TFEC: variants seen among roughly 807,000 people sequenced by gnomAD.
The protein encoded by TFEC is class E basic helix-loop-helix protein 34.
In TFEC, 31 loss-of-function variants were observed where a neutral mutation model predicts 41.6. The observed-to-expected ratio is 0.74, with a 90% confidence interval of 0.56 to 1.01. The LOEUF (loss-of-function observed/expected upper bound fraction) is 1.01, where lower values mean the gene tolerates loss of function less well. Ranked by LOEUF, TFEC falls within the 50% of genes least tolerant of loss-of-function variation. The probability of loss-of-function intolerance (pLI) is 0.00; values close to 1 mark genes in which losing one functional copy is unlikely to be tolerated. For missense variants in TFEC, 402 were observed against 404.1 expected (o/e 0.99, Z 0.04); for synonymous variants, 143 against 140.6 (o/e 1.02, Z -0.12).
chr7:115,946,419 G>GTGTGTGTT (rs1562878830), intron 6 of TFEC, among the ~76,000 whole-genome samples: 1 of 141,382 alleles, frequency 7.1e-6, no homozygotes, highest in Non-Finnish European at 1.6e-5. Flanking sequence ...GTGTGTGTGT[G>GTGTGTGTT]TGTGTGTGTG....
At chr7:115,989,273 G>A (rs1161821138) in intron 1 of TFEC, among the ~76,000 whole-genome samples, 2 of 152,112 alleles carry the variant, frequency 1.3e-5, no homozygotes, top group Non-Finnish European at 2.9e-5. Flanking sequence ...GGCAATCATG[G>A]GAGGAGGTTC....
chr7:116,110,704 A>G, intron 3 of TFEC: 1 of 1,495,096 alleles, frequency 6.7e-7, no homozygotes. Context: ...ATACAGATAC[A>G]TACCCTGGTA....
intron 1 of TFEC, among the ~76,000 whole-genome samples, chr7:116,020,900 T>A (rs552657327): frequency 1.6e-4 from 24 of 152,212 alleles, no homozygotes; most frequent in African/African-American, 5.5e-4. Flanking sequence ...AATAACAGGA[T>A]CTTTCAAACT....
intron 5 of TFEC, among the ~76,000 whole-genome samples, chr7:115,952,145 A>G (rs1311416807): frequency 3.3e-5 from 5 of 152,130 alleles, no homozygotes; most frequent in African/African-American, 1.2e-4. Flanking sequence ...AGCAAATTAC[A>G]TGAATGAATT....
intron 1 of TFEC, among the ~76,000 whole-genome samples, chr7:116,017,411 A>G (rs540218695): frequency 1.3e-5 from 2 of 152,156 alleles, no homozygotes; most frequent in South Asian, 4.2e-4. Context: ...TTTCGTAGAG[A>G]TGGAGTTTCC....
intron 3 of TFEC, among the ~76,000 whole-genome samples, chr7:116,069,564 A>G (rs766239530): frequency 4.6e-5 from 7 of 151,744 alleles, no homozygotes; most frequent in Non-Finnish European, 8.9e-5. Context: ...TGTCATGATT[A>G]TAACTATAAT....
intron 1 of TFEC, among the ~76,000 whole-genome samples, chr7:116,153,029 G>A (rs370508738): frequency 3.9e-5 from 6 of 152,118 alleles, no homozygotes; most frequent in African/African-American, 1.2e-4. Flanking sequence ...ATGTTGAGGC[G>A]AGCCACGAAA....
In TFEC at chr7:116,110,950, G is replaced by A. The variant is rs902055564; in HGVS notation, c.-21-24C>T. ...CACTATTAGTGGATTTGGAAAAAAA[G>A]GAGCACTGTAAAACACATACAAAAT... On this transcript the variant is annotated intron_variant, in intron 2 of 8. Coordinates refer to the TFEC transcript ENST00000484212. 8.0e-6 allele frequency: 11 copies of A among 1,380,336 alleles called. No individual in the cohort carries two copies. In the South Asian group the frequency reaches 1.1e-4, roughly 14 times the overall value. 85.5% of individuals were successfully genotyped at this position (1,380,336 alleles called of 1,614,324 possible).
chr7:116,079,922 T>C (rs191056980), intron 3 of TFEC, among the ~76,000 whole-genome samples: 21 of 152,198 alleles, frequency 1.4e-4, no homozygotes, highest in Admixed American at 1.2e-3. Context: ...ATTACCCGAC[T>C]TCAAAAGGTA....
At chr7:116,076,104 T>C (rs920829015) in intron 3 of TFEC, among the ~76,000 whole-genome samples, 7 of 152,132 alleles carry the variant, frequency 4.6e-5, no homozygotes, top group Admixed American at 2.0e-4. Flanking sequence ...CAGGACTCTT[T>C]ACAGACACTC....
intron 3 of TFEC, among the ~76,000 whole-genome samples, chr7:116,046,427 T>C (rs1796166242): frequency 6.6e-6 from 1 of 152,202 alleles, no homozygotes; most frequent in Non-Finnish European, 1.5e-5. Flanking sequence ...AGGTTTCCAT[T>C]TTGTTTCTTC....
chr7:116,093,492 T>C (rs1797375566), intron 3 of TFEC, among the ~76,000 whole-genome samples: 1 of 152,160 alleles, frequency 6.6e-6, no homozygotes, highest in South Asian at 2.1e-4. Flanking sequence ...ACGTATATGC[T>C]CCACAATTTA....
chr7:116,036,282 G>GCC (rs1347014642), intron 3 of TFEC, among the ~76,000 whole-genome samples: 1 of 152,026 alleles, frequency 6.6e-6, no homozygotes, highest in Non-Finnish European at 1.5e-5. Flanking sequence ...AAGAGCTAGG[G>GCC]TATTTACACT....
In TFEC at chr7:116,072,026, C is replaced by G. The variant is rs190121105; in HGVS notation, c.198+38682G>C. ...TTCTTTCCCAAAGATTAGCCCCATT[C>G]TGGCTTCATTGAAAACACATAAAAT... On this transcript the variant is annotated intron_variant, in intron 3 of 8. Coordinates refer to the TFEC transcript ENST00000484212. 1.6e-3 allele frequency among the ~76,000 whole-genome samples: 250 copies of G among 151,556 alleles called. 2 individuals carry two copies. The highest frequency in any genetic ancestry group is 2.8e-3 in the Non-Finnish European group (186 of 67,470).
In TFEC at chr7:115,938,813, T is replaced by C. The variant is rs1793351406; in HGVS notation, c.*1738A>G. 6.6e-6 allele frequency: 1 copy of C among 151,918 alleles called. No individual in the cohort carries two copies. The highest frequency in any genetic ancestry group is 2.4e-5 in the African/African-American group (1 of 41,426). The allele number at this position is 151,918 out of a possible 1,614,324, so 9.4% of individuals were successfully genotyped here. A position where few individuals can be genotyped will look rare whatever the true frequency, so the allele number is the denominator to read the frequency against. On this transcript the variant is annotated 3_prime_UTR_variant, in exon 8 of 8. Transcript: ENST00000265440. ...TGCTACTAAAAAGATTTGTTTCTAT[T>C]ATATTAATACTATATTATTTCACCA...
At chr7:116,101,223 G>A (rs964121634) in intron 3 of TFEC, among the ~76,000 whole-genome samples, 1 of 130,294 alleles carries the variant, frequency 7.7e-6, no homozygotes, top group Non-Finnish European at 1.5e-5. Flanking sequence ...GAAAAAACTA[G>A]GCTGGGATAA....
chr7:116,049,070 A>G (rs1796243035), intron 3 of TFEC, among the ~76,000 whole-genome samples: 1 of 152,336 alleles, frequency 6.6e-6, no homozygotes, highest in East Asian at 1.9e-4. Flanking sequence ...AAACTGCATC[A>G]ACTAACGAGC....
intron 3 of TFEC, among the ~76,000 whole-genome samples, chr7:116,097,266 G>A (rs1797487325): frequency 6.6e-6 from 1 of 152,086 alleles, no homozygotes; most frequent in Admixed American, 6.5e-5. Flanking sequence ...ATCCATGGGA[G>A]GATATGTTCT....
In TFEC at chr7:116,030,654, A is replaced by C. The variant is rs1276580768; in HGVS notation, c.-94T>G. 1 of 985,314 alleles carries C rather than the reference A, an allele frequency of 1.0e-6. No homozygotes were observed. Among genetic ancestry groups the C allele is most frequent in the East Asian group, 1.1e-4 (1 of 8,836 alleles). 61.0% of individuals were successfully genotyped at this position (985,314 alleles called of 1,614,324 possible). On this transcript the variant is annotated 5_prime_UTR_variant, in exon 1 of 8. Coordinates refer to ENST00000265440, the MANE Select transcript of TFEC (RefSeq NM_012252.4). Reference sequence around the variant, plus strand: ...CTACCAGCAATGAGTGGATTTTATCAGTGTTGTCATCTCTACAAACAGCAC... The same window carrying C: ...CTACCAGCAATGAGTGGATTTTATCCGTGTTGTCATCTCTACAAACAGCAC...
Sources: gnomAD v4.1 joint callset for allele counts (sites outside exome capture counted in the v4.1 genomes callset) on GRCh38, gnomAD v4.1.1 for gene constraint, MANE v1.5 for transcripts, NCBI Gene and HGNC (gene_info 2026-07-23, HGNC 2026-07-21) for gene names.